Variants in LINGO1 observed in about 807,000 individuals in gnomAD.
LINGO1 encodes leucine-rich repeat and immunoglobulin-like domain-containing nogo receptor-interacting protein 1.
In LINGO1, 11 loss-of-function variants were observed where a neutral mutation model predicts 37.3. That is an observed-to-expected ratio of 0.29 (90% CI 0.19 to 0.49). The LOEUF is 0.49. Ranked by LOEUF, LINGO1 falls within the 20% of genes least tolerant of loss-of-function variation. LINGO1 has a pLI of 0.99. For synonymous variants in LINGO1, 387 were observed against 403.0 expected (o/e 0.96, Z 0.48); for missense variants, 585 against 878.2 (o/e 0.67, Z 4.22).
intron 1 of LINGO1, among the ~76,000 whole-genome samples, chr15:77,800,997 A>T (rs2076913593): frequency 6.6e-6 from 1 of 152,196 alleles, no homozygotes; most frequent in South Asian, 2.1e-4. Flanking sequence ...ATTGGGAAAA[A>T]TTTAAATGAT....
intron 3 of LINGO1, among the ~76,000 whole-genome samples, chr15:77,662,860 G>A (rs1206353541): frequency 6.6e-6 from 1 of 152,156 alleles, no homozygotes; most frequent in East Asian, 1.9e-4. Flanking sequence ...CAATATTTCA[G>A]TAGCTGACCA....
chr15:77,689,638 T>G (rs1411724800), intron 2 of LINGO1, among the ~76,000 whole-genome samples: 2 of 152,140 alleles, frequency 1.3e-5, no homozygotes, highest in Non-Finnish European at 2.9e-5. Context: ...TGAATTATGT[T>G]CCAGGGTTCC....
chr15:77,739,231 G>A (rs950554443), intron 1 of LINGO1, among the ~76,000 whole-genome samples: 9 of 152,346 alleles, frequency 5.9e-5, no homozygotes, highest in Non-Finnish European at 1.2e-4. Flanking sequence ...TTGGTCCAGG[G>A]AGTTTTTTCC....
In LINGO1 at chr15:77,656,963, C is replaced by CCCT. The variant is rs368448501; in HGVS notation, c.-13+20123_-13+20125dup. Among the ~76,000 whole-genome samples, 30 of 152,308 alleles carry CCCT rather than the reference C, an allele frequency of 2.0e-4. 1 individual carries two copies. The highest frequency in any genetic ancestry group is 7.2e-4 in the African/African-American group (30 of 41,570). ...GTGCAGTGAGGGAGCAAGGCTTGAG[C>CCCT]CCTCGCTTTGGCTGAGCTGCCACAG... On this transcript the variant is annotated intron_variant, in intron 3 of 3. Coordinates refer to the LINGO1 transcript ENST00000559893.
chr15:77,664,163 G>C lies in LINGO1; in HGVS notation c.-13+12926C>G, dbSNP rs1279075723. On this transcript the variant is annotated intron_variant, in intron 3 of 3. Transcript: ENST00000559893. ...TGTGTGTGTGTGTGTGTGTGTGTGT[G>C]TGTGTGTGCGCGCGCGCATGCGTTT... Among the ~76,000 whole-genome samples the C allele has an allele frequency of 1.6e-4, 22 of 140,246 alleles. 2 individuals carry two copies. The highest frequency in any genetic ancestry group is 6.2e-4 in the African/African-American group (22 of 35,534). 92.0% of individuals were successfully genotyped at this position (140,246 alleles called of 152,430 possible). A position where few individuals can be genotyped will look rare whatever the true frequency, so the allele number is the denominator to read the frequency against.
At position 77,711,031 on chromosome 15, in the gene LINGO1, C is replaced by T. The variant is rs76850331; in HGVS notation, c.-194-20130G>A. Among the ~76,000 whole-genome samples the T allele has an allele frequency of 4.1e-3, 621 of 152,316 alleles. 1 individual carries two copies. Among genetic ancestry groups the T allele is most frequent in the African/African-American group, 0.014 (583 of 41,572 alleles). ...TGTTCCAGTGGGGCACCTTCTTCCC[C>T]AGCCCCCTCTCTGAGCCTTTGCTCA... On this transcript the variant is annotated intron_variant, in intron 2 of 3. Coordinates refer to the LINGO1 transcript ENST00000561686.
chr15:77,780,492 G>A (rs2076705154), intron 1 of LINGO1, among the ~76,000 whole-genome samples: 1 of 151,974 alleles, frequency 6.6e-6, no homozygotes, highest in Non-Finnish European at 1.5e-5. Flanking sequence ...GTATGCCCAG[G>A]CCTGTGCTGG....
chr15:77,761,055 A>T (rs190830685), intron 1 of LINGO1, among the ~76,000 whole-genome samples: 15 of 150,512 alleles, frequency 1.0e-4, no homozygotes, highest in Non-Finnish European at 1.0e-4. Context: ...GCCTCCCAAG[A>T]AGCTGAGACT....
intron 3 of LINGO1, among the ~76,000 whole-genome samples, chr15:77,662,630 G>A (rs1287837274): frequency 6.6e-6 from 1 of 152,148 alleles, no homozygotes; most frequent in African/African-American, 2.4e-5. Flanking sequence ...ACTCCATGAA[G>A]GGCTGGTGGG....
intron 2 of LINGO1, among the ~76,000 whole-genome samples, chr15:77,708,747 A>G (rs549298884): frequency 5.1e-4 from 78 of 152,260 alleles, no homozygotes; most frequent in African/African-American, 1.8e-3. Flanking sequence ...ACCGTCTCCA[A>G]TACAAAAATT....
At chr15:77,744,483 G>A (rs79651341) in intron 1 of LINGO1, among the ~76,000 whole-genome samples, 7,293 of 152,192 alleles carry the variant, frequency 0.048, 571 homozygotes, top group African/African-American at 0.16. Context: ...GCACTGCGCC[G>A]AGATGGCACT....
At chr15:77,757,788 G>A (rs1450583645) in intron 1 of LINGO1, among the ~76,000 whole-genome samples, 1 of 152,174 alleles carries the variant, frequency 6.6e-6, no homozygotes, top group African/African-American at 2.4e-5. Context: ...GCAAGGGCTG[G>A]CTGGAATGCC....
chr15:77,765,414 CA>C (rs770527152), intron 1 of LINGO1, among the ~76,000 whole-genome samples: 7,191 of 108,386 alleles, frequency 0.066, 547 homozygotes, highest in African/African-American at 0.2. Flanking sequence ...GACTGTGTCT[CA>C]AAAAAAAAAA....
intron 1 of LINGO1, among the ~76,000 whole-genome samples, chr15:77,767,546 G>C (rs1411057801): frequency 6.6e-6 from 1 of 152,202 alleles, no homozygotes; most frequent in African/African-American, 2.4e-5. Context: ...AATCCCCAGG[G>C]TCATGGAGAT....
At chr15:77,623,917 GAT>G (rs1355441085) in intron 1 of LINGO1, among the ~76,000 whole-genome samples, 3 of 141,968 alleles carry the variant, frequency 2.1e-5, no homozygotes, top group Admixed American at 6.8e-5. Context: ...GTGTGTGACT[GAT>G]GTGTGTGTGT....
intron 1 of LINGO1, among the ~76,000 whole-genome samples, chr15:77,776,498 CAGGAAGGCAGGAAGGCAGGAAGGG>C (rs1567577629): frequency 5.1e-4 from 31 of 61,068 alleles, no homozygotes; most frequent in African/African-American, 2.0e-3. Flanking sequence ...AGCAGGAAGG[CAGGAAGGCAGGAAGGCAGGAAGGG>C]AGGAAGGGAG....
At chr15:77,686,362 G>A (rs2075511112) in intron 2 of LINGO1, among the ~76,000 whole-genome samples, 1 of 152,196 alleles carries the variant, frequency 6.6e-6, no homozygotes, top group Non-Finnish European at 1.5e-5. Context: ...GGCGAGAGTG[G>A]AAGAGTCATA....
At chr15:77,778,328 A>C (rs527962258) in intron 1 of LINGO1, among the ~76,000 whole-genome samples, 2 of 152,354 alleles carry the variant, frequency 1.3e-5, no homozygotes, top group East Asian at 3.9e-4. Context: ...CAAGATACTT[A>C]ACCACCACTC....
chr15:77,642,986 T>G (rs1365789897), intron 3 of LINGO1, among the ~76,000 whole-genome samples: 1 of 152,132 alleles, frequency 6.6e-6, no homozygotes, highest in Non-Finnish European at 1.5e-5. Flanking sequence ...CTGGGCTTGG[T>G]GCCTCTCCCC....
Sources: allele counts gnomAD v4.1 joint callset (sites outside exome capture counted in the v4.1 genomes callset), GRCh38; gene constraint gnomAD v4.1.1; transcripts MANE v1.5; gene names NCBI Gene and HGNC (gene_info 2026-07-23, HGNC 2026-07-21).